The following DNAAF6 variants were observed in gnomAD, a reference collection of about 807,000 sequenced individuals.
DNAAF6 encodes dynein axonemal assembly factor 6.
A neutral mutation model predicts 13.7 loss-of-function variants in DNAAF6; 3 were observed. The observed-to-expected ratio is 0.22, with a 90% CI of 0.10 to 0.56. The LOEUF is 0.56. DNAAF6 is among the 20% of genes least tolerant of loss of function. The probability of loss-of-function intolerance (pLI) is 0.92; values close to 1 mark genes in which losing one functional copy is unlikely to be tolerated. For synonymous variants in DNAAF6, 54 were observed against 49.2 expected (o/e 1.10, Z -0.41); for missense variants, 130 against 151.0 (o/e 0.86, Z 0.73).
chrX:107,217,929 G>C (rs1928029949), intron 3 of DNAAF6, among the ~76,000 whole-genome samples: 1 of 112,294 alleles, frequency 8.9e-6, no homozygotes. Flanking sequence ...CTGTATTTCT[G>C]ATAATGTAGG....
chrX:107,224,160 C>T (rs1471886107), intron 5 of DNAAF6, among the ~76,000 whole-genome samples: 1 of 111,460 alleles, frequency 9.0e-6, no homozygotes, highest in Non-Finnish European at 1.9e-5. Flanking sequence ...TGATATTTCT[C>T]TCAAATGAAT....
At chrX:107,226,780 G>A (rs149357010) in intron 5 of DNAAF6, among the ~76,000 whole-genome samples, 2,275 of 111,048 alleles carry the variant, frequency 0.02, 59 homozygotes, top group African/African-American at 0.069. Flanking sequence ...TTGATAAGGC[G>A]ACATTCTGAT....
intron 5 of DNAAF6, among the ~76,000 whole-genome samples, chrX:107,228,836 G>T (rs991518766): frequency 9.1e-5 from 10 of 110,374 alleles, no homozygotes; most frequent in African/African-American, 3.0e-4. Flanking sequence ...GCCCAAACTG[G>T]TCTCAAACTC....
chrX:107,212,772 A>C, intron 1 of DNAAF6, 101 bp from the exon 2 acceptor site: 1 of 951,672 alleles, frequency 1.1e-6, no homozygotes, highest in South Asian at 3.1e-5. Context: ...GAACCAATGG[A>C]GTGATCCAGG....
chrX:107,237,438 C>A, intron 5 of DNAAF6, among the ~76,000 whole-genome samples: 1 of 112,311 alleles, frequency 8.9e-6, no homozygotes, highest in Non-Finnish European at 1.9e-5. Flanking sequence ...TAGACATCAA[C>A]TTCCATCAGA....
At chrX:107,214,183 A>T (rs1479351676) in intron 2 of DNAAF6, among the ~76,000 whole-genome samples, 1 of 112,147 alleles carries the variant, frequency 8.9e-6, no homozygotes, top group African/African-American at 3.2e-5. Flanking sequence ...AAACATCAGG[A>T]TGTTAATGAC....
chrX:107,244,056 G>A lies in DNAAF6; in HGVS notation c.*758G>A, dbSNP rs776323318. ...ACTATCAACATATTTACTTGAGTAA[G>A]GAACACTTTTGTGCGTACAGTATTA... On this transcript the variant is annotated 3_prime_UTR_variant, in exon 7 of 7. Coordinates refer to ENST00000372453, the MANE Select transcript of DNAAF6 (RefSeq NM_173494.2). 1.8e-5 allele frequency: 2 copies of A among 112,572 alleles called. No individual in the cohort carries two copies. The highest frequency in any genetic ancestry group is 3.8e-5 in the Non-Finnish European group (2 of 53,245). The allele number at this position is 112,572 out of a possible 1,213,427, so 9.3% of individuals were successfully genotyped here.
At chrX:107,219,966 T>G (rs1928085431) in intron 4 of DNAAF6, among the ~76,000 whole-genome samples, 1 of 110,434 alleles carries the variant, frequency 9.1e-6, no homozygotes, top group South Asian at 3.9e-4. Context: ...GCCCAGCTAA[T>G]TTTTGTATTT....
rs774816441 is a variant in DNAAF6, at chrX:107,219,003, GTT to G, written c.332+36_332+37del. ...AATGAAGCCAGGAATGTCTTTAGGA[GTT>G]TAAGTTAGCTGTGTCATCTGATAAC... is the stretch of plus-strand genomic sequence containing the variant. On this transcript the variant is annotated intron_variant, in intron 4 of 6. Coordinates refer to ENST00000372453, the MANE Select transcript of DNAAF6 (RefSeq NM_173494.2). 4 of 1,129,573 alleles carry G rather than the reference GTT, an allele frequency of 3.5e-6. No individual in the cohort carries two copies. The Admixed American group carries it at 1.4e-4, about 39-fold the overall frequency. The allele number at this position is 1,129,573 out of a possible 1,213,427, so 93.1% of individuals were successfully genotyped here.
rs768372176 is a variant in DNAAF6 at position 107,229,127 on chromosome X, CTTTTTTT to C, written c.429+6308_429+6314del. On this transcript the variant is annotated intron_variant, in intron 5 of 6. Coordinates refer to ENST00000372453, the MANE Select transcript of DNAAF6 (RefSeq NM_173494.2). ...GCAGCATTCCACCCTGTTGACTACT[CTTTTTTT>C]TTTTTTTTTTTTTTTTTTTTTGAGA... Among the ~76,000 whole-genome samples, 129 of 51,584 alleles carry C rather than the reference CTTTTTTT, an allele frequency of 2.5e-3. 2 individuals are homozygous for C. Among genetic ancestry groups the C allele is most frequent in the African/African-American group, 0.014 (122 of 8,998 alleles). The allele number at this position is 51,584 out of a possible 115,157, so 44.8% of individuals were successfully genotyped here.
At chrX:107,243,056 T>TGGG (rs373519426) in intron 6 of DNAAF6, 113 bp from the exon 7 acceptor site, 3 of 734,556 alleles carry the variant, frequency 4.1e-6, no homozygotes, top group African/African-American at 2.4e-5. Flanking sequence ...ATCTAAATAT[T>TGGG]GGGGGGGGGT....
chrX:107,226,317 C>G (rs187344373), intron 5 of DNAAF6, among the ~76,000 whole-genome samples: 191 of 111,608 alleles, frequency 1.7e-3, no homozygotes, highest in Non-Finnish European at 2.0e-3. Flanking sequence ...GGTTGTTTTT[C>G]TTTTTATCCT....
At chrX:107,224,115 T>C (rs184518255) in intron 5 of DNAAF6, among the ~76,000 whole-genome samples, 1 of 111,525 alleles carries the variant, frequency 9.0e-6, no homozygotes, top group African/African-American at 3.2e-5. Flanking sequence ...GAATATATGG[T>C]TTATCTAAAA....
chrX:107,231,391 A>G (rs1470968754), intron 5 of DNAAF6, among the ~76,000 whole-genome samples: 2 of 111,870 alleles, frequency 1.8e-5, no homozygotes, highest in African/African-American at 6.5e-5. Flanking sequence ...TCTCACTTTA[A>G]TTGGAATGGT....
At chrX:107,235,613 T>A (rs1928495711) in intron 5 of DNAAF6, among the ~76,000 whole-genome samples, 2 of 110,964 alleles carry the variant, frequency 1.8e-5, no homozygotes, top group Non-Finnish European at 3.8e-5. Flanking sequence ...TAGACACAGA[T>A]CCCCTAGCCC....
At chrX:107,224,347 C>T (rs1025306916) in intron 5 of DNAAF6, among the ~76,000 whole-genome samples, 7 of 111,991 alleles carry the variant, frequency 6.3e-5, no homozygotes, top group Non-Finnish European at 1.3e-4. Flanking sequence ...CACTTTGTCA[C>T]GTGTATACTG....
chrX:107,225,346 G>C (rs1246243886), intron 5 of DNAAF6, among the ~76,000 whole-genome samples: 1 of 110,873 alleles, frequency 9.0e-6, no homozygotes, highest in Non-Finnish European at 1.9e-5. Context: ...TTGATAATAT[G>C]GTGTTTCCTT....
intron 1 of DNAAF6, among the ~76,000 whole-genome samples, chrX:107,208,818 T>A (rs1159534423): frequency 4.5e-5 from 5 of 111,924 alleles, no homozygotes; most frequent in Non-Finnish European, 9.4e-5. Flanking sequence ...TTTACAGGCA[T>A]GCACCACCGC....
chrX:107,212,092 A>G (rs918217564), intron 1 of DNAAF6, among the ~76,000 whole-genome samples: 1 of 111,517 alleles, frequency 9.0e-6, no homozygotes, highest in South Asian at 3.8e-4. Context: ...ATAGCTTCCC[A>G]CTGCTCACAC....
Sources: gnomAD v4.1 joint callset for allele counts (sites outside exome capture counted in the v4.1 genomes callset) on GRCh38, gnomAD v4.1.1 for gene constraint, MANE v1.5 for transcripts, NCBI Gene and HGNC (gene_info 2026-07-23, HGNC 2026-07-21) for gene names.